Variants in ZNF385D observed in about 807,000 individuals in gnomAD.
The protein encoded by ZNF385D is zinc finger protein 385D, also known as zinc finger protein 659.
Under a neutral mutation model 35.8 loss-of-function variants are expected in ZNF385D, and 15 were observed. That is an observed-to-expected ratio of 0.42 (90% CI 0.28 to 0.64). The LOEUF (loss-of-function observed/expected upper bound fraction) is 0.64. Ranked by LOEUF, ZNF385D falls within the 30% of genes least tolerant of loss-of-function variation. ZNF385D has a pLI of 0.23. For missense variants in ZNF385D, 474 were observed against 494.6 expected, an observed-to-expected ratio of 0.96 and a Z score of 0.39; for synonymous variants, 212 against 186.8, an observed-to-expected ratio of 1.13 and a Z score of -1.10.
rs140018760 is a variant in ZNF385D, at chr3:22,016,935, GACAC to G, written c.325+151878_325+151881del. Among the ~76,000 whole-genome samples, 20 of 148,870 alleles carry G rather than the reference GACAC, an allele frequency of 1.3e-4. 1 individual carries two copies. The highest frequency in any genetic ancestry group is 4.7e-4 in the Admixed American group (7 of 14,750). ...ATCTATCCTGTCCATCCATCCATCG[GACAC>G]ACACACACACACACACAAACACACA... is the stretch of plus-strand genomic sequence containing the variant. On this transcript the variant is annotated intron_variant, in intron 3 of 5. Coordinates refer to the ZNF385D transcript ENST00000494108.
At chr3:21,762,806 G>A (rs1327561474) in intron 3 of ZNF385D, among the ~76,000 whole-genome samples, 2 of 152,084 alleles carry the variant, frequency 1.3e-5, no homozygotes, top group East Asian at 1.9e-4. Context: ...GATCAATATG[G>A]GATTGAAAAG....
chr3:21,719,625 G>C (rs1460843604), intron 1 of ZNF385D, among the ~76,000 whole-genome samples: 1 of 152,118 alleles, frequency 6.6e-6, no homozygotes, highest in African/African-American at 2.4e-5. Context: ...TACTGCACTT[G>C]TGCACCCAGA....
chr3:22,113,874 C>T lies in ZNF385D; in HGVS notation c.325+54943G>A, dbSNP rs117455591. Among the ~76,000 whole-genome samples the T allele has an allele frequency of 1.4e-4, 22 of 152,190 alleles. 2 individuals are homozygous for T. The East Asian group carries it at 4.3e-3, about 29-fold the overall frequency. On this transcript the variant is annotated intron_variant, in intron 3 of 5. Coordinates refer to the ZNF385D transcript ENST00000494108. Reference sequence around the variant, plus strand: ...TCATTCCTATTACCCAGAATTACAGCTCATTTTTCTACCTTGCTAAATCTA... The same window carrying T: ...TCATTCCTATTACCCAGAATTACAGTTCATTTTTCTACCTTGCTAAATCTA...
At chr3:22,091,600 G>C (rs569866281) in intron 3 of ZNF385D, among the ~76,000 whole-genome samples, 9 of 144,300 alleles carry the variant, frequency 6.2e-5, no homozygotes, top group African/African-American at 1.8e-4. Flanking sequence ...GAAAAAAAAA[G>C]CCCTCTAGGT....
rs142955593 is a variant in ZNF385D at position 21,893,680 on chromosome 3, T to C, written c.326-228652A>G. On this transcript the variant is annotated intron_variant, in intron 3 of 5. Transcript: ENST00000494108. ...CAGAGTACCAACAGTATTCTGAAGG[T>C]TGAAAGTTGCATGGAAATTGAGAAT... 4.5e-3 allele frequency among the ~76,000 whole-genome samples: 690 copies of C among 152,266 alleles called. 6 individuals carry two copies. Among genetic ancestry groups the C allele is most frequent in the African/African-American group, 0.015 (623 of 41,558 alleles).
intron 3 of ZNF385D, among the ~76,000 whole-genome samples, chr3:21,989,042 T>G (rs6768662): frequency 6.6e-6 from 1 of 151,614 alleles, no homozygotes; most frequent in Admixed American, 6.6e-5. Flanking sequence ...CACTGGCCTG[T>G]GCCCACTGTC....
chr3:22,371,313 G>T (rs1575220553), intron 2 of ZNF385D, among the ~76,000 whole-genome samples: 1 of 152,150 alleles, frequency 6.6e-6, no homozygotes, highest in East Asian at 1.9e-4. Flanking sequence ...AACAGACTCA[G>T]CAGAACAGAG....
intron 3 of ZNF385D, among the ~76,000 whole-genome samples, chr3:21,955,701 A>T (rs941782307): frequency 6.6e-6 from 1 of 152,150 alleles, no homozygotes; most frequent in African/African-American, 2.4e-5. Flanking sequence ...ACATGTTATA[A>T]AATTGAGTAT....
intron 2 of ZNF385D, among the ~76,000 whole-genome samples, chr3:21,629,892 C>T (rs1452395554): frequency 6.6e-6 from 1 of 152,150 alleles, no homozygotes; most frequent in Non-Finnish European, 1.5e-5. Flanking sequence ...TCATTAATCT[C>T]TGCCAAATGA....
intron 1 of ZNF385D, among the ~76,000 whole-genome samples, chr3:21,691,425 A>G (rs2067281630): frequency 6.6e-6 from 1 of 151,930 alleles, no homozygotes; most frequent in South Asian, 2.1e-4. Context: ...CAACCTCCAC[A>G]TTCATTCACC....
rs555293569 is a variant in ZNF385D at position 21,867,294 on chromosome 3, G to A, written c.326-202266C>T. ...CCTCGTCTCCTGACACTGTTGCATT[G>A]GAAATTGATTTTTTAACACATGAAT... On this transcript the variant is annotated intron_variant, in intron 3 of 5. Transcript: ENST00000494108. Among the ~76,000 whole-genome samples the A allele has an allele frequency of 6.8e-4, 104 of 152,138 alleles. 1 individual carries two copies. Among genetic ancestry groups the A allele is most frequent in the South Asian group, 4.6e-3 (22 of 4,824 alleles).
intron 3 of ZNF385D, among the ~76,000 whole-genome samples, chr3:21,526,857 G>A (rs73050408): frequency 6.8e-4 from 104 of 152,250 alleles, no homozygotes; most frequent in Non-Finnish European, 1.2e-3. Flanking sequence ...CATCTGACGC[G>A]ATCGTTCTTA....
At chr3:22,371,945 A>C (rs548102422) in intron 2 of ZNF385D, among the ~76,000 whole-genome samples, 9 of 152,286 alleles carry the variant, frequency 5.9e-5, no homozygotes, top group Non-Finnish European at 1.0e-4. Context: ...AAGAAGAAGA[A>C]GGAAATGAAA....
chr3:21,967,893 CCAT>C (rs1220149172), intron 3 of ZNF385D, among the ~76,000 whole-genome samples: 1 of 152,196 alleles, frequency 6.6e-6, no homozygotes, highest in African/African-American at 2.4e-5. Context: ...AAAACCACCA[CCAT>C]AAGAACTAAA....
At chr3:22,370,807 G>A (rs993525568) in intron 2 of ZNF385D, among the ~76,000 whole-genome samples, 2 of 152,140 alleles carry the variant, frequency 1.3e-5, no homozygotes, top group Non-Finnish European at 2.9e-5. Context: ...CAGTGAATGG[G>A]AAACACATTT....
At chr3:21,891,261 T>C (rs1698848440) in intron 3 of ZNF385D, among the ~76,000 whole-genome samples, 1 of 152,176 alleles carries the variant, frequency 6.6e-6, no homozygotes, top group Non-Finnish European at 1.5e-5. Context: ...ATCGTCAGTA[T>C]TATCTATCTA....
chr3:22,276,777 A>G (rs1426689024), intron 2 of ZNF385D, among the ~76,000 whole-genome samples: 1 of 152,160 alleles, frequency 6.6e-6, no homozygotes, highest in African/African-American at 2.4e-5. Flanking sequence ...CTCCAATGCA[A>G]AACTCAATGT....
chr3:22,029,057 G>A (rs1002543923), intron 3 of ZNF385D, among the ~76,000 whole-genome samples: 19 of 152,220 alleles, frequency 1.2e-4, no homozygotes, highest in East Asian at 5.8e-4. Flanking sequence ...TCCTGTTCCC[G>A]TGACATTACA....
At chr3:21,906,474 C>T (rs540498390) in intron 3 of ZNF385D, among the ~76,000 whole-genome samples, 1 of 152,306 alleles carries the variant, frequency 6.6e-6, no homozygotes, top group East Asian at 1.9e-4. Context: ...ACCAGCTACA[C>T]AGTTCTATGT....
Sources: gnomAD v4.1 joint callset for allele counts (sites outside exome capture counted in the v4.1 genomes callset) on GRCh38, gnomAD v4.1.1 for gene constraint, MANE v1.5 for transcripts, NCBI Gene and HGNC (gene_info 2026-07-23, HGNC 2026-07-21) for gene names.